The following MAPRE1 variants were observed in gnomAD, a reference collection of about 807,000 sequenced individuals.
MAPRE1 encodes the protein microtubule associated protein RP/EB family member 1.
MAPRE1 carries 5 observed loss-of-function variants against 32.1 expected under a neutral mutation model. The ratio of observed to expected loss-of-function variants is 0.16; its 90% CI spans 0.08 to 0.33. The LOEUF is 0.33. Ranked by LOEUF, MAPRE1 falls within the 10% of genes least tolerant of loss-of-function variation. The probability of loss-of-function intolerance (pLI) is 1.00; values close to 1 mark genes in which losing one functional copy is unlikely to be tolerated. For missense variants in MAPRE1, 209 were observed against 327.2 expected (o/e 0.64, Z 2.79); for synonymous variants, 122 against 118.9 (o/e 1.03, Z -0.17).
intron 4 of MAPRE1, among the ~76,000 whole-genome samples, chr20:32,837,730 A>G (rs2146133291): frequency 6.6e-6 from 1 of 152,358 alleles, no homozygotes; most frequent in Middle Eastern, 3.4e-3. Flanking sequence ...TTTTTAATAT[A>G]TCCAAAGAAT....
intron 2 of MAPRE1, among the ~76,000 whole-genome samples, chr20:32,829,016 G>T (rs1982945337): frequency 2.0e-5 from 3 of 151,966 alleles, no homozygotes; most frequent in Admixed American, 1.3e-4. Context: ...CGCCTCCCAG[G>T]TTCAAGCGAT....
chr20:32,837,176 A>C lies in MAPRE1; in HGVS notation c.475+335A>C, dbSNP rs188485540. ...AGAAATCCATCAGGCTAGCTCATGT[A>C]AGAGAGCATTAGTTTGTTCCAAAAC... is the stretch of plus-strand genomic sequence containing the variant. On this transcript the variant is annotated intron_variant, in intron 4 of 6. Transcript: ENST00000375571. Among the ~76,000 whole-genome samples the C allele has an allele frequency of 9.5e-4, 145 of 152,362 alleles. 2 individuals carry two copies. Among genetic ancestry groups the C allele is most frequent in the Non-Finnish European group, 1.7e-3 (116 of 68,026 alleles).
At chr20:32,830,767 C>T (rs1416130584) in intron 2 of MAPRE1, among the ~76,000 whole-genome samples, 4 of 147,130 alleles carry the variant, frequency 2.7e-5, no homozygotes, top group Non-Finnish European at 6.0e-5. Flanking sequence ...GGCGGAGTCT[C>T]GCTCTGTTGC....
At chr20:32,831,867 A>T (rs1256581192) in intron 2 of MAPRE1, among the ~76,000 whole-genome samples, 1 of 150,496 alleles carries the variant, frequency 6.6e-6, no homozygotes, top group Non-Finnish European at 1.5e-5. Flanking sequence ...GTAAAATAGT[A>T]CTGGGTAAAA....
At chr20:32,839,573 G>A (rs1054634019) in intron 4 of MAPRE1, among the ~76,000 whole-genome samples, 162 bp from the exon 5 acceptor site, 1 of 152,198 alleles carries the variant, frequency 6.6e-6, no homozygotes, top group Non-Finnish European at 1.5e-5. Flanking sequence ...GTAGGCAAAT[G>A]TGGGAGCGTT....
chr20:32,830,967 G>T (rs992222853), intron 2 of MAPRE1, among the ~76,000 whole-genome samples: 1 of 152,024 alleles, frequency 6.6e-6, no homozygotes, highest in Non-Finnish European at 1.5e-5. Flanking sequence ...CTCGTGATCC[G>T]CCTGCGTCGG....
intron 2 of MAPRE1, among the ~76,000 whole-genome samples, chr20:32,833,076 G>A (rs1325999044): frequency 6.6e-6 from 1 of 152,036 alleles, no homozygotes; most frequent in Non-Finnish European, 1.5e-5. Context: ...GGTGGCACGT[G>A]CCTATAGTCC....
chr20:32,842,265 T>G (rs1199748387), intron 5 of MAPRE1, among the ~76,000 whole-genome samples: 2 of 152,130 alleles, frequency 1.3e-5, no homozygotes, highest in Non-Finnish European at 2.9e-5. Flanking sequence ...TTTTGTATTT[T>G]TAGTAGAGAC....
chr20:32,820,064 G>A (rs547188478), intron 1 of MAPRE1, 36 bp downstream of exon 1: 2 of 151,510 alleles, frequency 1.3e-5, no homozygotes, highest in South Asian at 4.1e-4. Context: ...GTGCGGCTGG[G>A]GGGGCGGCCG....
rs752235106 is a variant in MAPRE1 at position 32,849,862 on chromosome 20, C to T, written c.*1134C>T. 1.3e-5 allele frequency: 2 copies of T among 152,600 alleles called. No homozygotes were observed. Among genetic ancestry groups the T allele is most frequent in the African/African-American group, 4.8e-5 (2 of 41,436 alleles). The allele number at this position is 152,600 out of a possible 1,614,324, so 9.5% of individuals were successfully genotyped here. A position where few individuals can be genotyped will look rare whatever the true frequency, so the allele number is the denominator to read the frequency against. ...CTGTAATCCGAATACTTTGCCAGTG[C>T]ACTAATCTCTTTGGAGATAAAATTC... On this transcript the variant is annotated 3_prime_UTR_variant, in exon 7 of 7. Transcript: ENST00000375571.
In MAPRE1 at chr20:32,844,439, C is replaced by CTTTTTTTTTTTTTTTT. The variant is rs71190880; in HGVS notation, c.598-2163_598-2148dup. On this transcript the variant is annotated intron_variant, in intron 5 of 6. Transcript: ENST00000375571. ...CTAGGTGGATACCAAGCTAGCATTCCTTTTTTTTTTTTTTTTTTTTTTTTT... is the reference window on the plus strand; with the variant it reads ...CTAGGTGGATACCAAGCTAGCATTCCTTTTTTTTTTTTTTTTTTTTTTTTTTTTTTTTTTTTTTTTT... Among the ~76,000 whole-genome samples, 16 of 52,050 alleles carry CTTTTTTTTTTTTTTTT rather than the reference C, an allele frequency of 3.1e-4. 5 individuals carry two copies. The highest frequency in any genetic ancestry group is 1.3e-3 in the East Asian group (2 of 1,492). The allele number at this position is 52,050 out of a possible 152,430, so 34.1% of individuals were successfully genotyped here. A position where few individuals can be genotyped will look rare whatever the true frequency, so the allele number is the denominator to read the frequency against.
At position 32,833,548 on chromosome 20, in the gene MAPRE1, A is replaced by G. The variant is rs1428791843; in HGVS notation, c.122-169A>G. On this transcript the variant is annotated intron_variant, in intron 2 of 6. Transcript: ENST00000375571. ...TTGTAGAATATATGGGGTGAAAACC[A>G]CAGTCTTGTTACAGGTTTTAGAAAT... Among the ~76,000 whole-genome samples, 5 of 152,200 alleles carry G rather than the reference A, an allele frequency of 3.3e-5. 1 individual carries two copies. Among genetic ancestry groups the G allele is most frequent in the Admixed American group, 3.3e-4 (5 of 15,280 alleles).
intron 5 of MAPRE1, among the ~76,000 whole-genome samples, chr20:32,845,023 GT>G (rs869085759): frequency 1.5e-4 from 23 of 151,732 alleles, no homozygotes; most frequent in Non-Finnish European, 1.9e-4. Context: ...ATGTATGTAT[GT>G]ATGTATGTAT....
At chr20:32,828,728 T>C (rs1982936874) in intron 2 of MAPRE1, among the ~76,000 whole-genome samples, 1 of 152,204 alleles carries the variant, frequency 6.6e-6, no homozygotes, top group Non-Finnish European at 1.5e-5. Flanking sequence ...ATGAGGAGAC[T>C]AACCCTGGGG....
chr20:32,846,635 T>A lies in MAPRE1; in HGVS notation c.615T>A (p.Leu205=). The change falls in exon 6 of 7, where the codon CTT becomes CTA. Residue 205 remains leucine (L), a synonymous_variant. Coordinates refer to ENST00000375571, the MANE Select transcript of MAPRE1 (RefSeq NM_012325.3). ...TTGTGCAGGTCAACGTATTGAAACT[T>A]ACTGTTGAAGACTTGGAGAAAGAGA... ...ELMQQVNVLK[L]TVEDLEKERD... 6.2e-7 allele frequency: 1 copy of A among 1,614,094 alleles called. No homozygotes were observed. The highest frequency in any genetic ancestry group is 2.2e-5 in the East Asian group (1 of 44,880).
At chr20:32,835,079 GC>G (rs139442309) in intron 3 of MAPRE1, among the ~76,000 whole-genome samples, 47 of 152,240 alleles carry the variant, frequency 3.1e-4, no homozygotes, top group African/African-American at 1.1e-3. Context: ...ATAGTTAAAA[GC>G]CAGGCATGGT....
intron 2 of MAPRE1, among the ~76,000 whole-genome samples, chr20:32,828,167 G>A (rs1396858740): frequency 6.6e-6 from 1 of 152,076 alleles, no homozygotes; most frequent in African/African-American, 2.4e-5. Context: ...ACAACAGGCT[G>A]TTAGCCTTAG....
intron 1 of MAPRE1, among the ~76,000 whole-genome samples, chr20:32,821,433 C>T (rs1381083549): frequency 2.6e-5 from 4 of 152,220 alleles, no homozygotes; most frequent in African/African-American, 9.6e-5. Flanking sequence ...AGGCTCTTAA[C>T]CTCTTTATTA....
intron 5 of MAPRE1, among the ~76,000 whole-genome samples, chr20:32,841,073 C>T (rs1041715294): frequency 5.9e-5 from 9 of 152,254 alleles, no homozygotes; most frequent in African/African-American, 2.2e-4. Flanking sequence ...GCCTTGGCCT[C>T]CCAGTGCTGG....
Sources: gnomAD v4.1 joint callset for allele counts (sites outside exome capture counted in the v4.1 genomes callset) on GRCh38, gnomAD v4.1.1 for gene constraint, MANE v1.5 for transcripts, NCBI Gene and HGNC (gene_info 2026-07-23, HGNC 2026-07-21) for gene names.